CDC42BPB: variants seen among roughly 807,000 people sequenced by gnomAD.
The protein encoded by CDC42BPB is serine/threonine-protein kinase MRCK beta.
In CDC42BPB, 37 loss-of-function variants were observed where a neutral mutation model predicts 214.9. That is an observed-to-expected ratio of 0.17 (90% CI 0.13 to 0.23). CDC42BPB has a LOEUF of 0.23. Ranked by LOEUF, CDC42BPB falls within the 10% of genes least tolerant of loss-of-function variation. The probability of loss-of-function intolerance (pLI) is 1.00; values close to 1 mark genes in which losing one functional copy is unlikely to be tolerated. For synonymous variants in CDC42BPB, 931 were observed against 884.0 expected (o/e 1.05, Z -0.94); for missense variants, 1,694 against 2,227.0 (o/e 0.76, Z 4.82).
At chr14:102,972,584 G>C (rs1893525799) in intron 12 of CDC42BPB, among the ~76,000 whole-genome samples, 1 of 151,686 alleles carries the variant, frequency 6.6e-6, no homozygotes, top group Admixed American at 6.6e-5. Context: ...AGCTACTTGG[G>C]AAGCTGAGGC....
intron 8 of CDC42BPB, among the ~76,000 whole-genome samples, chr14:102,980,455 T>G (rs908596381): frequency 2.6e-5 from 4 of 151,788 alleles, no homozygotes; most frequent in Non-Finnish European, 4.4e-5. Context: ...ATTGCACCAC[T>G]GCACTCCAGC....
At chr14:103,021,427 C>T (rs868721477) in intron 1 of CDC42BPB, among the ~76,000 whole-genome samples, 47 of 151,894 alleles carry the variant, frequency 3.1e-4, no homozygotes, top group Non-Finnish European at 4.6e-4. Context: ...GATCGCGCCA[C>T]TGCACTCCAG....
chr14:103,053,302 G>A (rs911766206), intron 1 of CDC42BPB, among the ~76,000 whole-genome samples: 21 of 151,026 alleles, frequency 1.4e-4, no homozygotes, highest in African/African-American at 1.9e-4. Flanking sequence ...AGCCAAGATC[G>A]CACCACTGCA....
At chr14:102,940,901 C>T (rs1232627567) in intron 30 of CDC42BPB, among the ~76,000 whole-genome samples, 1 of 152,202 alleles carries the variant, frequency 6.6e-6, no homozygotes, top group Non-Finnish European at 1.5e-5. Flanking sequence ...CATATGCAAG[C>T]GAGGCTAAGG....
intron 8 of CDC42BPB, among the ~76,000 whole-genome samples, chr14:102,979,991 C>T (rs1259939325): frequency 6.6e-6 from 1 of 152,186 alleles, no homozygotes; most frequent in Non-Finnish European, 1.5e-5. Context: ...TAAAGAAACA[C>T]CAATGCAGAC....
chr14:102,936,679 G>C (rs74725802), intron 36 of CDC42BPB, among the ~76,000 whole-genome samples: 7,055 of 152,262 alleles, frequency 0.046, 541 homozygotes, highest in African/African-American at 0.16. Context: ...ATGTTTTAGA[G>C]ACAAGATCTC....
chr14:103,002,245 C>T (rs1003718766), intron 4 of CDC42BPB, among the ~76,000 whole-genome samples: 11 of 152,106 alleles, frequency 7.2e-5, no homozygotes, highest in African/African-American at 1.7e-4. Flanking sequence ...AGGTGTGCAC[C>T]GCAGAAGCCG....
intron 2 of CDC42BPB, among the ~76,000 whole-genome samples, chr14:103,008,963 C>T (rs1403942614): frequency 6.6e-6 from 1 of 152,226 alleles, no homozygotes; most frequent in East Asian, 1.9e-4. Flanking sequence ...GTGCCACCTC[C>T]TTCAGGAAGT....
At chr14:103,019,490 T>C (rs888730874) in intron 1 of CDC42BPB, among the ~76,000 whole-genome samples, 3 of 152,070 alleles carry the variant, frequency 2.0e-5, no homozygotes, top group South Asian at 2.1e-4. Context: ...CTCACCAGGC[T>C]CTAAGGCAGG....
chr14:102,940,671 G>C lies in CDC42BPB; in HGVS notation c.4409-347C>G, dbSNP rs34368992. On this transcript the variant is annotated intron_variant, in intron 30 of 36. Coordinates refer to ENST00000361246, the MANE Select transcript of CDC42BPB (RefSeq NM_006035.4). ...GCTACTAATTCAGGCTCAACACTTT[G>C]GAAATTCAGGTAGGGGCCGACTGTT... 2.1e-3 allele frequency: 743 copies of C among 346,816 alleles called. 18 individuals carry two copies. The East Asian group carries it at 0.045, about 21-fold the overall frequency. The allele number at this position is 346,816 out of a possible 1,614,324, so 21.5% of individuals were successfully genotyped here.
At chr14:103,055,582 AAGTAACC>A (rs1396273905) in intron 1 of CDC42BPB, among the ~76,000 whole-genome samples, 1 of 152,254 alleles carries the variant, frequency 6.6e-6, no homozygotes, top group African/African-American at 2.4e-5. Context: ...CTGATACTAT[AAGTAACC>A]AAGAATGGTG....
intron 1 of CDC42BPB, 69 bp from the exon 2 acceptor site, chr14:103,012,257 T>A: frequency 6.7e-7 from 1 of 1,498,736 alleles, no homozygotes; most frequent in Non-Finnish European, 9.1e-7. Flanking sequence ...TTTAATTGAG[T>A]GGGGTGTTGC....
intron 24 of CDC42BPB, among the ~76,000 whole-genome samples, chr14:102,951,346 G>A (rs930292018): frequency 6.6e-6 from 1 of 152,238 alleles, no homozygotes; most frequent in African/African-American, 2.4e-5. Context: ...AGGCGTGAGT[G>A]CTCAGAGCCA....
At position 103,041,531 on chromosome 14, in the gene CDC42BPB, G is replaced by A. The variant is rs1360393715; in HGVS notation, c.175+15468C>T. 4.4e-6 allele frequency: 6 copies of A among 1,378,542 alleles called. 1 individual carries two copies. The South Asian group carries it at 4.9e-5, about 11-fold the overall frequency. The allele number at this position is 1,378,542 out of a possible 1,614,324, so 85.4% of individuals were successfully genotyped here. On this transcript the variant is annotated intron_variant, in intron 1 of 36. Transcript: ENST00000361246. ...CACAAGGACTGGCAGCTGGCTCGTG[G>A]CCACATGGTTCAACCAGCCGGCCCG...
chr14:102,964,612 G>C lies in CDC42BPB; in HGVS notation c.2616C>G (p.Asp872Glu). The change falls in exon 19 of 37, where the codon GAC (aspartate) becomes GAG (glutamate). Residue 872 changes from aspartate to glutamate, a missense_variant. Asp to Glu is a conservative substitution (Grantham distance 45). Transcript: ENST00000361246. Reference protein sequence around the residue: ...LWKVRRSQKLDMSARLELQSA... With the variant: ...LWKVRRSQKLEMSARLELQSA... ...ACTGCAGCTCCAGCCGCGCGGACATGTCCAGCTTCTGGCTGCGGCGCACCT... is the reference window on the plus strand; with the variant it reads ...ACTGCAGCTCCAGCCGCGCGGACATCTCCAGCTTCTGGCTGCGGCGCACCT... 1 of 1,613,880 alleles carries C rather than the reference G, an allele frequency of 6.2e-7. No homozygotes were observed. Among genetic ancestry groups the C allele is most frequent in the Non-Finnish European group, 8.5e-7 (1 of 1,179,946 alleles).
intron 1 of CDC42BPB, 32 bp from the exon 2 acceptor site, chr14:103,012,220 G>A (rs1337891260): frequency 6.4e-7 from 1 of 1,569,408 alleles, no homozygotes; most frequent in Admixed American, 1.7e-5. Flanking sequence ...CAACAATTTA[G>A]TCTAATCAGT....
At position 102,963,407 on chromosome 14, in the gene CDC42BPB, C is replaced by G. The variant is rs191399895; in HGVS notation, c.2727-252G>C. The G allele has an allele frequency of 2.2e-3, 886 of 397,250 alleles. 3 individuals carry two copies. The highest frequency in any genetic ancestry group is 2.7e-3 in the Non-Finnish European group (803 of 292,242). 24.6% of individuals were successfully genotyped at this position (397,250 alleles called of 1,614,324 possible). A position where few individuals can be genotyped will look rare whatever the true frequency, so the allele number is the denominator to read the frequency against. ...TGTCTCATGAAGGCCTAATGGAGCT[C>G]TTGACCTTCCTAATCTTGTTCCCAG... is the stretch of plus-strand genomic sequence containing the variant. On this transcript the variant is annotated intron_variant, in intron 19 of 36. Coordinates refer to ENST00000361246, the MANE Select transcript of CDC42BPB (RefSeq NM_006035.4).
At chr14:103,000,248 T>C (rs372263641) in intron 4 of CDC42BPB, among the ~76,000 whole-genome samples, 63 of 152,326 alleles carry the variant, frequency 4.1e-4, no homozygotes, top group African/African-American at 1.4e-3. Flanking sequence ...TAAGTAGAAA[T>C]TGGAGTAATG....
chr14:102,957,564 C>T (rs1342995593), intron 21 of CDC42BPB, among the ~76,000 whole-genome samples: 2 of 152,198 alleles, frequency 1.3e-5, no homozygotes, highest in Non-Finnish European at 2.9e-5. Context: ...CGGGCACTTA[C>T]CGGTTAAATA....
Sources: allele counts gnomAD v4.1 joint callset (sites outside exome capture counted in the v4.1 genomes callset), GRCh38; gene constraint gnomAD v4.1.1; transcripts MANE v1.5; gene names NCBI Gene and HGNC (gene_info 2026-07-23, HGNC 2026-07-21).